ECE1: variants seen among roughly 807,000 people sequenced by gnomAD.
The protein encoded by ECE1 is endothelin converting enzyme 1.
ECE1 carries 35 observed loss-of-function variants against 98.6 expected under a neutral mutation model. That is an observed-to-expected ratio of 0.35 (90% confidence interval 0.27 to 0.47). The LOEUF is 0.47. Ranked by LOEUF, ECE1 falls within the 20% of genes least tolerant of loss-of-function variation. ECE1 has a pLI of 1.00. For synonymous variants in ECE1, 394 were observed against 407.1 expected, an observed-to-expected ratio of 0.97 and a Z score of 0.39; for missense variants, 814 against 1,025.3, an observed-to-expected ratio of 0.79 and a Z score of 2.81.
intron 15 of ECE1, 66 bp from the exon 16 acceptor site, chr1:21,227,292 T>A: frequency 6.8e-7 from 1 of 1,469,994 alleles, no homozygotes; most frequent in Non-Finnish European, 9.5e-7. Flanking sequence ...CTTGCTCAGG[T>A]ATGTGACCCT....
At position 21,279,193 on chromosome 1, in the gene ECE1, G is replaced by C; in HGVS notation, c.278C>G (p.Thr93Arg). ...CCATGCAACACGAAGGCACCTACTT[G>C]TCTGGTACTGGATGCCCAGTGCTGC... The part of the protein sequence containing the change: ...CLAALGIQYQ[T>R]RSPSVCLSEA... Residue 93 changes from threonine (T) to arginine (R), a missense_variant and splice_region_variant, in exon 3 of 19, where the codon ACA becomes AGA. Physicochemically the swap from Thr to Arg is moderately conservative, Grantham distance 71. Transcript: ENST00000374893. 3 of 1,614,186 alleles carry C rather than the reference G, an allele frequency of 1.9e-6. No individual in the cohort carries two copies. The highest frequency in any genetic ancestry group is 1.7e-6 in the Non-Finnish European group (2 of 1,180,046).
At chr1:21,222,070 T>A in intron 17 of ECE1, 1 of 569,104 alleles carries the variant, frequency 1.8e-6, no homozygotes, top group South Asian at 2.0e-5. Context: ...CACCTTCTGC[T>A]CCAGCCTCTT....
intron 11 of ECE1, 149 bp from the exon 12 acceptor site, chr1:21,236,993 C>T (rs2103240582): frequency 2.6e-6 from 2 of 778,710 alleles, no homozygotes; most frequent in Non-Finnish European, 4.5e-6. Context: ...AGCTGTGCTT[C>T]CAAACCACGC....
At chr1:21,334,781 C>G (rs1639274810) in intron 1 of ECE1, among the ~76,000 whole-genome samples, 1 of 152,156 alleles carries the variant, frequency 6.6e-6, no homozygotes, top group African/African-American at 2.4e-5. Flanking sequence ...CTGGCTACCT[C>G]TCTCCCATCC....
chr1:21,287,704 G>T (rs1232206632), intron 2 of ECE1, among the ~76,000 whole-genome samples: 3 of 152,176 alleles, frequency 2.0e-5, no homozygotes, highest in Non-Finnish European at 4.4e-5. Flanking sequence ...TTGGTACCAT[G>T]AGGTGTTATG....
At chr1:21,243,710 G>C (rs1165299845) in intron 10 of ECE1, among the ~76,000 whole-genome samples, 1 of 152,268 alleles carries the variant, frequency 6.6e-6, no homozygotes, top group Non-Finnish European at 1.5e-5. Context: ...AAGTTCTGCA[G>C]GGAACAGAAT....
At position 21,256,088 on chromosome 1, in the gene ECE1, G is replaced by A. The variant is rs79178176; in HGVS notation, c.879C>T (p.Gly293=). The A allele has an allele frequency of 2.9e-5, 47 of 1,609,274 alleles. No individual in the cohort carries two copies. In the East Asian group the frequency reaches 5.6e-4, roughly 19 times the overall value. ...NYMVQLGKLL[G]GGDEEAIRPQ... is the part of the protein sequence containing the mutation. ...GCCGGATGGCCTCCTCGTCCCCGCC[G>A]CCCAGCAGCTTCCCCAGCTGGACCA... Residue 293 remains glycine, a synonymous_variant, in exon 8 of 19, where the codon GGC becomes GGT. Coordinates refer to ENST00000374893, the MANE Select transcript of ECE1 (RefSeq NM_001397.3).
chr1:21,316,142 A>G (rs1487715089), intron 1 of ECE1, among the ~76,000 whole-genome samples: 1 of 152,262 alleles, frequency 6.6e-6, no homozygotes, highest in African/African-American at 2.4e-5. Flanking sequence ...TTACAGCAGC[A>G]AATCAGAAGA....
chr1:21,233,114 G>A lies in ECE1; in HGVS notation c.1670+444C>T, dbSNP rs763718579. ...CCTGTCCTGAGATCCCACCATTCGT[G>A]GTAGTGAGGAACAATGGGAAAGCTG... On this transcript the variant is annotated intron_variant, in intron 14 of 18. Transcript: ENST00000374893. The surrounding 1 kb of genome is among the most constrained non-coding windows in gnomAD (Gnocchi z 4.0). 3 of 180,136 alleles carry A rather than the reference G, an allele frequency of 1.7e-5. 1 individual carries two copies. Among genetic ancestry groups the A allele is most frequent in the Non-Finnish European group, 3.6e-5 (3 of 83,768 alleles). 11.2% of individuals were successfully genotyped at this position (180,136 alleles called of 1,614,324 possible). A position where few individuals can be genotyped will look rare whatever the true frequency, so the allele number is the denominator to read the frequency against.
chr1:21,327,840 G>C lies in ECE1; in HGVS notation c.3+17536C>G, dbSNP rs763370420. On this transcript the variant is annotated intron_variant, in intron 1 of 18. Transcript: ENST00000415912. The surrounding 1 kb of genome is among the most constrained non-coding windows in gnomAD (Gnocchi z 4.6). ...ACCGCCTGAGCTCTGCCTTCGGTCA[G>C]ATCAGCGGTGGCATTAGATTCTCGT... is the stretch of plus-strand genomic sequence containing the variant. Among the ~76,000 whole-genome samples the C allele has an allele frequency of 1.3e-5, 2 of 152,206 alleles. No individual in the cohort carries two copies. The highest frequency in any genetic ancestry group is 2.9e-5 in the Non-Finnish European group (2 of 68,042).
chr1:21,225,751 G>A lies in ECE1; in HGVS notation c.1850-311C>T, dbSNP rs1184002711. Among the ~76,000 whole-genome samples the A allele has an allele frequency of 1.3e-5, 2 of 151,154 alleles. No individual in the cohort carries two copies. Among genetic ancestry groups the A allele is most frequent in the African/African-American group, 4.9e-5 (2 of 41,092 alleles). On this transcript the variant is annotated intron_variant, in intron 16 of 18. Transcript: ENST00000374893. This position sits in a 1 kb window ranked among gnomAD's most constrained non-coding sequence, Gnocchi z 5.3. ...CTGCCACTCAGGCTGGAGTGCAGTG[G>A]CGCAATCTCAGCTCACTGCAACCTT...
In ECE1 at chr1:21,235,821, C is replaced by T. The variant is rs368548516; in HGVS notation, c.1566+29G>A. ...CCTTTTCTAAGGGGGCATTTAGGAA[C>T]GCAAGGGGGCAGGGCAGCAGCTACT... is the stretch of plus-strand genomic sequence containing the variant. On this transcript the variant is annotated intron_variant, in intron 13 of 18. Coordinates refer to ENST00000374893, the MANE Select transcript of ECE1 (RefSeq NM_001397.3). This position sits in a 1 kb window ranked among gnomAD's most constrained non-coding sequence, Gnocchi z 4.2. The T allele has an allele frequency of 6.5e-5, 104 of 1,612,154 alleles. 1 individual carries two copies. Among genetic ancestry groups the T allele is most frequent in the African/African-American group, 6.1e-4 (46 of 75,014 alleles).
chr1:21,267,544 C>T (rs894697565), intron 4 of ECE1, among the ~76,000 whole-genome samples: 2 of 152,200 alleles, frequency 1.3e-5, no homozygotes, highest in South Asian at 2.1e-4. Flanking sequence ...AATGACCTCC[C>T]ACTGGGTCCT....
At chr1:21,332,130 G>C (rs906720315) in intron 1 of ECE1, among the ~76,000 whole-genome samples, 2 of 152,122 alleles carry the variant, frequency 1.3e-5, no homozygotes, top group African/African-American at 4.8e-5. Flanking sequence ...GCAGGGTTGT[G>C]GGAAATATCT....
In ECE1 at chr1:21,238,736, C is replaced by A. The variant is rs544009836; in HGVS notation, c.1279-492G>T. 2.5e-4 allele frequency among the ~76,000 whole-genome samples: 38 copies of A among 152,322 alleles called. No homozygotes were observed. The South Asian group carries it at 7.0e-3, about 28-fold the overall frequency. On this transcript the variant is annotated intron_variant, in intron 10 of 18. Coordinates refer to ENST00000374893, the MANE Select transcript of ECE1 (RefSeq NM_001397.3). ...GGTCTACCCTGAGTCACAGAAAAAA[C>A]TGCCCCAGGGCCAGGGCTCCAATGC...
Position 21,277,637 on chromosome 1 carries a change from C to G in ECE1, c.280+1554G>C, listed in dbSNP as rs191988680. Among the ~76,000 whole-genome samples, 693 of 152,322 alleles carry G rather than the reference C, an allele frequency of 4.5e-3. 2 individuals are homozygous for G. Among genetic ancestry groups the G allele is most frequent in the African/African-American group, 0.016 (661 of 41,568 alleles). On this transcript the variant is annotated intron_variant, in intron 3 of 18. Coordinates refer to ENST00000374893, the MANE Select transcript of ECE1 (RefSeq NM_001397.3). ...ATACACTCAGCAGAGAAAGGCTGTT[C>G]CCAGCCTGATCTTCCTTCCTACCCC...
At chr1:21,276,798 G>A (rs2098247834) in intron 3 of ECE1, among the ~76,000 whole-genome samples, 1 of 150,840 alleles carries the variant, frequency 6.6e-6, no homozygotes. Context: ...TGATTCTCCT[G>A]CCTCAACCTC....
Position 21,273,516 on chromosome 1 carries a change from T to C in ECE1, c.281-605A>G, listed in dbSNP as rs369231547. 2.8e-3 allele frequency among the ~76,000 whole-genome samples: 422 copies of C among 152,184 alleles called. 3 individuals are homozygous for C. Among genetic ancestry groups the C allele is most frequent in the African/African-American group, 9.9e-3 (409 of 41,500 alleles). ...TGTCCTCCTTTCTACAAAAATAAAC[T>C]GAACATTTACTATGTGCCAAAAGGG... On this transcript the variant is annotated intron_variant, in intron 3 of 18. Transcript: ENST00000374893.
chr1:21,278,269 G>A (rs184490878), intron 3 of ECE1, among the ~76,000 whole-genome samples: 14 of 152,352 alleles, frequency 9.2e-5, no homozygotes, highest in African/African-American at 3.1e-4. Context: ...CTTCTTAAGT[G>A]TTTACTGAGC....
Sources: allele counts gnomAD v4.1 joint callset (sites outside exome capture counted in the v4.1 genomes callset), GRCh38; gene constraint gnomAD v4.1.1; non-coding constraint Gnocchi (gnomAD v3.1); transcripts MANE v1.5; gene names NCBI Gene and HGNC (gene_info 2026-07-23, HGNC 2026-07-21).